Variants in RNF17 observed in about 807,000 individuals in gnomAD.
The protein encoded by RNF17 is spermatogenesis associated 23.
Under a neutral mutation model 200.5 loss-of-function variants are expected in RNF17, and 31 were observed. The observed-to-expected ratio is 0.15, with a 90% confidence interval of 0.12 to 0.21. The LOEUF is 0.21. Among genes scored for constraint, RNF17 ranks in the 10% least tolerant of loss-of-function variants. The pLI, the probability that RNF17 is intolerant of heterozygous loss-of-function variation, is 1.00. For synonymous variants in RNF17, 606 were observed against 637.8 expected (o/e 0.95, Z 0.75); for missense variants, 1,628 against 1,905.1 (o/e 0.85, Z 2.71).
chr13:24,749,759 T>C, the RNF17 span, among the ~76,000 whole-genome samples: 1 of 152,104 alleles, frequency 6.6e-6, no homozygotes, highest in African/African-American at 2.4e-5. Context: ...TTTTGTTTCG[T>C]TTTTTATTGA....
rs562158302 is a variant in RNF17, at chr13:24,788,935, G to A, written c.784-413G>A. On this transcript the variant is annotated intron_variant, in intron 7 of 35. Coordinates refer to ENST00000255324, the MANE Select transcript of RNF17 (RefSeq NM_031277.3). ...TTGCCATGACCCTACTTGGCTAGGTGTCCCAGGCTTTAGTTCTAAAACAAT... is the reference window on the plus strand; with the variant it reads ...TTGCCATGACCCTACTTGGCTAGGTATCCCAGGCTTTAGTTCTAAAACAAT... Among the ~76,000 whole-genome samples, 9 of 152,250 alleles carry A rather than the reference G, an allele frequency of 5.9e-5. No individual in the cohort carries two copies. The South Asian group carries it at 1.0e-3, about 18-fold the overall frequency.
upstream of RNF17, among the ~76,000 whole-genome samples, chr13:24,759,710 A>G (rs1341401436): frequency 2.6e-5 from 4 of 152,168 alleles, no homozygotes; most frequent in South Asian, 2.1e-4. Flanking sequence ...AAGAAAGAAA[A>G]AAAGGAAGGG....
Position 24,844,793 on chromosome 13 carries a change from A to G in RNF17, c.2973A>G (p.Thr991=), listed in dbSNP as rs770880728. Residue 991 remains threonine (T), a synonymous_variant, in exon 21 of 36, where the codon ACA becomes ACG. Transcript: ENST00000255324. The part of the protein sequence containing the change: ...RGQIIRMVTD[T]LVEVLLYDVG... ...AGATCATCAGAATGGTTACAGACAC[A>G]TTGGTAGAGGTAAATTACAGAGTTA... 1.2e-5 allele frequency: 19 copies of G among 1,611,070 alleles called. No homozygotes were observed. The highest frequency in any genetic ancestry group is 3.4e-5 in the Admixed American group (2 of 59,360).
At chr13:24,765,580 G>A (rs781311312) in intron 1 of RNF17, among the ~76,000 whole-genome samples, 4 of 152,142 alleles carry the variant, frequency 2.6e-5, no homozygotes, top group African/African-American at 7.2e-5. Flanking sequence ...CACTGCTACC[G>A]TTACGTAGAA....
At chr13:24,883,948 A>AT, downstream of RNF17, 1 of 1,614,102 alleles carries the variant, frequency 6.2e-7, no homozygotes, top group Non-Finnish European at 8.5e-7. Flanking sequence ...TTCTGTGAAC[A>AT]TAATGTTGCC....
At chr13:24,788,900 A>G (rs984439520) in intron 7 of RNF17, among the ~76,000 whole-genome samples, 6 of 152,168 alleles carry the variant, frequency 3.9e-5, no homozygotes, top group African/African-American at 1.4e-4. Context: ...ACGTTAAATG[A>G]AAGGACAATT....
At chr13:24,764,764 T>TTTG (rs935709049) in intron 1 of RNF17, among the ~76,000 whole-genome samples, 1 of 152,136 alleles carries the variant, frequency 6.6e-6, no homozygotes, top group Non-Finnish European at 1.5e-5. Flanking sequence ...GGTTTTGGAT[T>TTTG]TTGTTGTTGT....
At chr13:24,756,374 T>A in the RNF17 span, among the ~76,000 whole-genome samples, 4 of 152,146 alleles carry the variant, frequency 2.6e-5, no homozygotes, top group Admixed American at 1.3e-4. Flanking sequence ...AAAATAAATA[T>A]TAAAATTTGA....
intron 18 of RNF17, among the ~76,000 whole-genome samples, chr13:24,834,596 A>G (rs1159217488): frequency 6.6e-6 from 1 of 152,184 alleles, no homozygotes; most frequent in Non-Finnish European, 1.5e-5. Context: ...TGTTTGTGGG[A>G]GAAGTTTCCA....
chr13:24,770,280 AG>A (rs1166955824), intron 2 of RNF17, among the ~76,000 whole-genome samples: 1 of 152,196 alleles, frequency 6.6e-6, no homozygotes, highest in East Asian at 1.9e-4. Flanking sequence ...TTCATTTACA[AG>A]CAACAAAAGC....
chr13:24,877,191 G>C lies in RNF17; in HGVS notation c.4773+5G>C. 1 of 1,601,808 alleles carries C rather than the reference G, an allele frequency of 6.2e-7. No homozygotes were observed. The highest frequency in any genetic ancestry group is 1.1e-5 in the South Asian group (1 of 87,814). Reference sequence around the variant, plus strand: ...CAACTCTATGCTGTGTCCATGGTAAGTGTCTCAAGTAGCCAAAATTATTGT... The same window carrying C: ...CAACTCTATGCTGTGTCCATGGTAACTGTCTCAAGTAGCCAAAATTATTGT... On this transcript the variant is annotated splice_donor_5th_base_variant and intron_variant, in intron 34 of 35. Coordinates refer to ENST00000255324, the MANE Select transcript of RNF17 (RefSeq NM_031277.3).
intron 11 of RNF17, among the ~76,000 whole-genome samples, chr13:24,797,389 C>G (rs1884691109): frequency 6.6e-6 from 1 of 152,128 alleles, no homozygotes; most frequent in Non-Finnish European, 1.5e-5. Context: ...CCTTTTCCTG[C>G]CTCTGTACTT....
chr13:24,776,555 T>C (rs925718516), intron 3 of RNF17, among the ~76,000 whole-genome samples: 7 of 152,194 alleles, frequency 4.6e-5, no homozygotes, highest in Non-Finnish European at 1.0e-4. Context: ...CCATGAGATA[T>C]GTGTAGAGTT....
chr13:24,829,900 A>G (rs187128110), intron 16 of RNF17, among the ~76,000 whole-genome samples: 35 of 152,308 alleles, frequency 2.3e-4, no homozygotes, highest in Non-Finnish European at 4.7e-4. Flanking sequence ...AGATACTGTT[A>G]TATGAATGAA....
chr13:24,838,486 C>T (rs894464478), intron 18 of RNF17, among the ~76,000 whole-genome samples: 1 of 152,114 alleles, frequency 6.6e-6, no homozygotes, highest in Admixed American at 6.5e-5. Context: ...AATCCATGAT[C>T]AAGTGAGTTT....
chr13:24,817,042 G>A (rs1887491174), intron 15 of RNF17, among the ~76,000 whole-genome samples: 1 of 152,116 alleles, frequency 6.6e-6, no homozygotes, highest in South Asian at 2.1e-4. Flanking sequence ...ATTTCATTGA[G>A]GATATTTGCA....
At chr13:24,809,484 G>A (rs1382301499) in intron 15 of RNF17, among the ~76,000 whole-genome samples, 6 of 152,156 alleles carry the variant, frequency 3.9e-5, no homozygotes, top group Non-Finnish European at 8.8e-5. Flanking sequence ...GATCGGTGGT[G>A]ATATCCCCTT....
At chr13:24,833,895 A>T (rs1419679953) in intron 18 of RNF17, among the ~76,000 whole-genome samples, 1 of 152,268 alleles carries the variant, frequency 6.6e-6, no homozygotes, top group Non-Finnish European at 1.5e-5. Flanking sequence ...AGGGAAGATG[A>T]TAAAGGTACA....
chr13:24,766,827 C>T (rs556175243), intron 1 of RNF17, among the ~76,000 whole-genome samples: 1 of 152,344 alleles, frequency 6.6e-6, no homozygotes, highest in Non-Finnish European at 1.5e-5. Flanking sequence ...ATTCTAGGTA[C>T]AAAATAGCCA....
Sources: gnomAD v4.1 joint callset for allele counts (sites outside exome capture counted in the v4.1 genomes callset) on GRCh38, gnomAD v4.1.1 for gene constraint, MANE v1.5 for transcripts, NCBI Gene and HGNC (gene_info 2026-07-23, HGNC 2026-07-21) for gene names.